DCTN6: variants seen among roughly 807,000 people sequenced by gnomAD.
The protein encoded by DCTN6 is dynactin subunit 6, also known as dynactin 6.
In DCTN6, 15 loss-of-function variants were observed where a neutral mutation model predicts 25.8. The observed-to-expected ratio is 0.58, with a 90% confidence interval of 0.39 to 0.89. The LOEUF is 0.89. DCTN6 is among the 40% of genes least tolerant of loss of function. DCTN6 has a pLI of 0.00. For synonymous variants in DCTN6, 64 were observed against 78.3 expected (o/e 0.82, Z 0.96); for missense variants, 198 against 237.6 (o/e 0.83, Z 1.09).
In DCTN6 at chr8:30,158,607, G is replaced by T. The variant is rs543570723; in HGVS notation, c.23+2201G>T. ...GTTTTTTCTTCTATAATATGAGAGG[G>T]TTAGACCAGGTGATTTTCTTCTAAT... On this transcript the variant is annotated intron_variant, in intron 1 of 6. Coordinates refer to ENST00000221114, the MANE Select transcript of DCTN6 (RefSeq NM_006571.4). 4.3e-3 allele frequency among the ~76,000 whole-genome samples: 649 copies of T among 151,462 alleles called. 4 individuals carry two copies. The highest frequency in any genetic ancestry group is 5.7e-3 in the Non-Finnish European group (389 of 67,918).
chr8:30,175,360 T>C (rs1159625845), intron 3 of DCTN6, among the ~76,000 whole-genome samples, 170 bp downstream of exon 3: 1 of 152,122 alleles, frequency 6.6e-6, no homozygotes, highest in African/African-American at 2.4e-5. Context: ...CCAAATACCA[T>C]ATGAGGGAAA....
intron 2 of DCTN6, among the ~76,000 whole-genome samples, chr8:30,173,741 A>AACAAC (rs1554488839): frequency 6.8e-6 from 1 of 146,110 alleles, no homozygotes; most frequent in East Asian, 2.0e-4. Flanking sequence ...TAAAAAAAAA[A>AACAAC]AAAAAAAAAA....
rs1803935701 is a variant in DCTN6 at position 30,183,395 on chromosome 8, A to G, written c.*222A>G. ...ATCCTTGGTTCTTTTCTGATAATTT[A>G]CAGATTTAGCTTTTCTTTTGTTATA... On this transcript the variant is annotated 3_prime_UTR_variant, in exon 7 of 7. Transcript: ENST00000221114. The G allele has an allele frequency of 2.8e-6, 1 of 352,932 alleles. No homozygotes were observed. The highest frequency in any genetic ancestry group is 4.6e-5 in the Admixed American group (1 of 21,950). 21.9% of individuals were successfully genotyped at this position (352,932 alleles called of 1,614,324 possible).
In DCTN6 at chr8:30,179,398, TG is replaced by T. The variant is rs1195448572; in HGVS notation, c.284-8del. 1 of 1,609,714 alleles carries T rather than the reference TG, an allele frequency of 6.2e-7. No homozygotes were observed. The highest frequency in any genetic ancestry group is 8.5e-7 in the Non-Finnish European group (1 of 1,177,192). On this transcript the variant is annotated splice_polypyrimidine_tract_variant and intron_variant, in intron 4 of 6. Transcript: ENST00000221114. ...CATATTTGTAGTATTTACCTAACTC[TG>T]GCTTACAGATTCCCAAGCCATGAAG...
At chr8:30,165,010 A>G (rs1803646517) in intron 2 of DCTN6, among the ~76,000 whole-genome samples, 1 of 152,254 alleles carries the variant, frequency 6.6e-6, no homozygotes, top group African/African-American at 2.4e-5. Context: ...TGCAGCCGCT[A>G]ATGAGATCAG....
chr8:30,165,955 T>C (rs1563229062), intron 2 of DCTN6: 1 of 152,210 alleles, frequency 6.6e-6, no homozygotes, highest in Non-Finnish European at 1.5e-5. Flanking sequence ...TTGTCTTTTG[T>C]ATTACCTAAA....
chr8:30,170,114 A>T (rs569338123), intron 2 of DCTN6, among the ~76,000 whole-genome samples: 1 of 151,950 alleles, frequency 6.6e-6, no homozygotes, highest in East Asian at 1.9e-4. Context: ...CGGAGGTTGC[A>T]GTGAACTGAG....
intron 6 of DCTN6, among the ~76,000 whole-genome samples, chr8:30,181,440 C>G (rs1803909396): frequency 6.6e-6 from 1 of 152,096 alleles, no homozygotes; most frequent in Non-Finnish European, 1.5e-5. Flanking sequence ...CCTAGAAATT[C>G]AGATCAAGAA....
At position 30,180,503 on chromosome 8, in the gene DCTN6, A is replaced by G; in HGVS notation, c.347A>G (p.Asn116Ser). ...VIESKAYVGR[N>S]VILTSGCIIG... ...TTTATTGCAGCATATGTAGGCAGAA[A>G]TGTAATATTGACAAGTGGCTGCATC... is the stretch of plus-strand genomic sequence containing the variant. The change falls in exon 6 of 7, where the codon AAT becomes AGT. Residue 116 changes from asparagine (N) to serine (S), a missense_variant. Physicochemically the swap from Asn to Ser is conservative, Grantham distance 46. Transcript: ENST00000221114. 1.2e-6 allele frequency: 2 copies of G among 1,613,378 alleles called. No individual in the cohort carries two copies. The highest frequency in any genetic ancestry group is 1.7e-6 in the Non-Finnish European group (2 of 1,179,704).
At chr8:30,174,685 T>C (rs1011977703) in intron 2 of DCTN6, among the ~76,000 whole-genome samples, 1 of 152,222 alleles carries the variant, frequency 6.6e-6, no homozygotes, top group African/African-American at 2.4e-5. Flanking sequence ...GAGTGTTACC[T>C]TGCTGAGGGA....
At chr8:30,168,523 G>A (rs184247782) in intron 2 of DCTN6, among the ~76,000 whole-genome samples, 10 of 152,238 alleles carry the variant, frequency 6.6e-5, no homozygotes, top group African/African-American at 2.4e-4. Context: ...GAGTTAAGTA[G>A]CAATAAACTG....
chr8:30,158,026 C>T (rs530581399), intron 1 of DCTN6, among the ~76,000 whole-genome samples: 10 of 144,434 alleles, frequency 6.9e-5, no homozygotes, highest in African/African-American at 2.5e-4. Flanking sequence ...CGGCTCACCT[C>T]TCTGCTCCCA....
intron 1 of DCTN6, among the ~76,000 whole-genome samples, chr8:30,163,269 C>T (rs1449925901): frequency 6.6e-6 from 1 of 152,098 alleles, no homozygotes; most frequent in African/African-American, 2.4e-5. Flanking sequence ...TGCACTCCAG[C>T]CTGGGCAACA....
chr8:30,179,318 C>G (rs1803883558), intron 4 of DCTN6, 90 bp from the exon 5 acceptor site: 2 of 1,081,852 alleles, frequency 1.8e-6, no homozygotes, highest in Non-Finnish European at 2.7e-6. Flanking sequence ...ACACCCCTGT[C>G]CTCTGTCCCA....
At chr8:30,175,915 A>G (rs981892849) in intron 3 of DCTN6, among the ~76,000 whole-genome samples, 1 of 152,230 alleles carries the variant, frequency 6.6e-6, no homozygotes, top group South Asian at 2.1e-4. Flanking sequence ...AGGATTTAAA[A>G]TACATTTGGC....
At chr8:30,167,249 G>C (rs911782067) in intron 2 of DCTN6, among the ~76,000 whole-genome samples, 8 of 151,946 alleles carry the variant, frequency 5.3e-5, no homozygotes, top group African/African-American at 1.9e-4. Flanking sequence ...AGCTATAATT[G>C]CACCACTGTA....
chr8:30,164,252 G>A (rs545207483), intron 2 of DCTN6, 77 bp downstream of exon 2: 449 of 1,102,998 alleles, frequency 4.1e-4, no homozygotes, highest in South Asian at 1.3e-3. Context: ...ATTAGATACC[G>A]TCTTCCATGT....
At chr8:30,176,311 C>T (rs1431710250) in intron 3 of DCTN6, among the ~76,000 whole-genome samples, 4 of 151,966 alleles carry the variant, frequency 2.6e-5, no homozygotes, top group Non-Finnish European at 4.4e-5. Flanking sequence ...GGGCAGATCA[C>T]GAGGTCAGGA....
At chr8:30,174,249 T>TG (rs1319729450) in intron 2 of DCTN6, among the ~76,000 whole-genome samples, 2 of 152,134 alleles carry the variant, frequency 1.3e-5, no homozygotes, top group African/African-American at 4.8e-5. Flanking sequence ...TTTCAGTAGG[T>TG]GTGCTTGTAA....
Sources: gnomAD v4.1 joint callset for allele counts (sites outside exome capture counted in the v4.1 genomes callset) on GRCh38, gnomAD v4.1.1 for gene constraint, MANE v1.5 for transcripts, NCBI Gene and HGNC (gene_info 2026-07-23, HGNC 2026-07-21) for gene names.